PLD5: variants seen among roughly 807,000 people sequenced by gnomAD.
The protein encoded by PLD5 is phospholipase D family member 5, also known as inactive phospholipase D5.
A neutral mutation model predicts 61.1 loss-of-function variants in PLD5; 36 were observed. The ratio of observed to expected loss-of-function variants is 0.59; its 90% CI spans 0.45 to 0.78. PLD5 has a LOEUF of 0.78. Ranked by LOEUF, PLD5 falls within the 30% of genes least tolerant of loss-of-function variation. PLD5 has a pLI of 0.00. For missense variants in PLD5, 515 were observed against 644.4 expected (o/e 0.80, Z 2.17); for synonymous variants, 243 against 242.8 (o/e 1.00, Z -0.01).
chr1:242,393,682 G>A (rs200281858), intron 1 of PLD5, among the ~76,000 whole-genome samples: 120 of 100,318 alleles, frequency 1.2e-3, no homozygotes, highest in East Asian at 8.8e-3. Context: ...GAGTATATAT[G>A]TGTATATATA....
intron 1 of PLD5, among the ~76,000 whole-genome samples, chr1:242,513,717 A>G (rs1669010003): frequency 1.3e-5 from 2 of 152,230 alleles, no homozygotes; most frequent in South Asian, 4.1e-4. Context: ...CAAGACCATA[A>G]CAATGGTGTG....
At chr1:242,277,536 T>C (rs1483468822) in intron 3 of PLD5, among the ~76,000 whole-genome samples, 4 of 144,316 alleles carry the variant, frequency 2.8e-5, no homozygotes, top group Admixed American at 2.1e-4. Context: ...AAAAGATAAA[T>C]GCTTAAATGT....
chr1:242,397,698 A>G (rs1284902908), intron 1 of PLD5, among the ~76,000 whole-genome samples: 2 of 151,828 alleles, frequency 1.3e-5, no homozygotes, highest in Admixed American at 6.6e-5. Flanking sequence ...CTTTAAGACT[A>G]TTCTATATCT....
At chr1:242,316,144 CAG>C (rs1357801831) in intron 2 of PLD5, among the ~76,000 whole-genome samples, 7 of 152,224 alleles carry the variant, frequency 4.6e-5, no homozygotes, top group Admixed American at 4.6e-4. Flanking sequence ...GTGCTTAACA[CAG>C]TGCTTAGCAC....
chr1:242,505,845 T>C (rs569431784), intron 1 of PLD5, among the ~76,000 whole-genome samples: 33 of 152,290 alleles, frequency 2.2e-4, no homozygotes, highest in Admixed American at 2.0e-3. Flanking sequence ...CTTCACCCAC[T>C]GCCACCTGCA....
At chr1:242,387,113 G>A (rs10926716) in intron 1 of PLD5, among the ~76,000 whole-genome samples, 40,476 of 151,968 alleles carry the variant, frequency 0.27, 5,836 homozygotes, top group Middle Eastern at 0.4. Flanking sequence ...TAAAAAGTTC[G>A]AAGAAAAAGA....
chr1:242,355,196 T>C (rs1380095341), intron 1 of PLD5, among the ~76,000 whole-genome samples: 1 of 152,178 alleles, frequency 6.6e-6, no homozygotes, highest in African/African-American at 2.4e-5. Flanking sequence ...AGTGGGGAAT[T>C]GGTAATAGTT....
intron 3 of PLD5, among the ~76,000 whole-genome samples, chr1:242,280,193 A>C (rs1674643651): frequency 1.3e-5 from 2 of 152,214 alleles, no homozygotes; most frequent in South Asian, 4.1e-4. Context: ...AACACTGAAG[A>C]TCAGATGAGT....
intron 1 of PLD5, among the ~76,000 whole-genome samples, chr1:242,499,557 C>A (rs1241992332): frequency 1.3e-5 from 2 of 152,094 alleles, no homozygotes; most frequent in African/African-American, 4.8e-5. Flanking sequence ...CTTTTAAGAT[C>A]TCCCTTTCTT....
chr1:242,143,944 G>A (rs756753316), intron 5 of PLD5, among the ~76,000 whole-genome samples: 3 of 149,764 alleles, frequency 2.0e-5, no homozygotes, highest in East Asian at 4.3e-4. Flanking sequence ...AGGTTCAAGC[G>A]ATTCTCATGC....
chr1:242,275,441 A>G (rs1674359678), intron 3 of PLD5, among the ~76,000 whole-genome samples: 2 of 152,278 alleles, frequency 1.3e-5, no homozygotes, highest in African/African-American at 4.8e-5. Context: ...TGCCACAGAT[A>G]TAAGTATGAA....
chr1:242,337,618 C>G (rs1659599093), intron 2 of PLD5, among the ~76,000 whole-genome samples: 1 of 152,120 alleles, frequency 6.6e-6, no homozygotes, highest in African/African-American at 2.4e-5. Context: ...GCAACGAGAG[C>G]AAAACACCGT....
chr1:242,472,462 T>G (rs1187977980), intron 1 of PLD5, among the ~76,000 whole-genome samples: 1 of 152,210 alleles, frequency 6.6e-6, no homozygotes, highest in African/African-American at 2.4e-5. Flanking sequence ...AATGTCTGTC[T>G]CTGCAGCCAA....
intron 1 of PLD5, among the ~76,000 whole-genome samples, chr1:242,441,380 A>G (rs936373229): frequency 2.6e-5 from 4 of 152,094 alleles, no homozygotes; most frequent in Non-Finnish European, 5.9e-5. Flanking sequence ...AAATATCTCT[A>G]TATAAAACCA....
chr1:242,233,410 T>C (rs1182819883), intron 4 of PLD5, among the ~76,000 whole-genome samples: 3 of 152,164 alleles, frequency 2.0e-5, no homozygotes, highest in Non-Finnish European at 4.4e-5. Flanking sequence ...ACAATCTGAA[T>C]GACTCTGATG....
chr1:242,424,114 GAAGAT>G (rs1665291166), intron 1 of PLD5, among the ~76,000 whole-genome samples: 3 of 152,186 alleles, frequency 2.0e-5, no homozygotes, highest in Admixed American at 2.0e-4. Flanking sequence ...TCATGAGAGT[GAAGAT>G]AAGTGTTTGT....
chr1:242,452,635 G>A (rs1232310796), intron 1 of PLD5, among the ~76,000 whole-genome samples: 3 of 152,078 alleles, frequency 2.0e-5, no homozygotes, highest in Admixed American at 6.5e-5. Context: ...AGGCAACACG[G>A]TGAAACTCCA....
At chr1:242,300,451 GAAGAAAGAAAGAAAGA>G (rs142382112) in intron 2 of PLD5, among the ~76,000 whole-genome samples, 133,140 of 149,612 alleles carry the variant, frequency 0.89, 59,167 homozygotes, top group East Asian at 0.95. Flanking sequence ...GGAGGAGGAA[GAAGAAAGAAAGAAAGA>G]AAGAAAGAAA....
chr1:242,395,147 G>C (rs894929288), intron 1 of PLD5, among the ~76,000 whole-genome samples: 3 of 147,198 alleles, frequency 2.0e-5, no homozygotes, highest in Admixed American at 6.9e-5. Flanking sequence ...ATTTTAAATA[G>C]AGCTATTCCT....
Sources: allele counts gnomAD v4.1 joint callset (sites outside exome capture counted in the v4.1 genomes callset), GRCh38; gene constraint gnomAD v4.1.1; transcripts MANE v1.5; gene names NCBI Gene and HGNC (gene_info 2026-07-23, HGNC 2026-07-21).